SRSF11: variants seen among roughly 807,000 people sequenced by gnomAD.
SRSF11 encodes serine/arginine-rich splicing factor 11.
A neutral mutation model predicts 56.0 loss-of-function variants in SRSF11; 9 were observed. That is an observed-to-expected ratio of 0.16 (90% CI 0.10 to 0.28). The LOEUF (loss-of-function observed/expected upper bound fraction) is 0.28, where lower values mean the gene tolerates loss of function less well. Ranked by LOEUF, SRSF11 falls within the 10% of genes least tolerant of loss-of-function variation. SRSF11 has a pLI of 1.00. For missense variants in SRSF11, 421 were observed against 600.7 expected, an observed-to-expected ratio of 0.70 and a Z score of 3.13; for synonymous variants, 222 against 215.3, an observed-to-expected ratio of 1.03 and a Z score of -0.27.
At chr1:70,225,139 C>G (rs1671487575) in intron 1 of SRSF11, among the ~76,000 whole-genome samples, 1 of 152,092 alleles carries the variant, frequency 6.6e-6, no homozygotes. Flanking sequence ...GTGGGATTGC[C>G]CAGCAAAGTG....
intron 5 of SRSF11, among the ~76,000 whole-genome samples, chr1:70,236,744 T>C (rs1674143189): frequency 6.8e-6 from 1 of 146,786 alleles, no homozygotes. Flanking sequence ...CCTCCCCACC[T>C]ACAAAGTAAA....
chr1:70,229,667 A>G (rs114716087), intron 2 of SRSF11: 23 of 985,134 alleles, frequency 2.3e-5, no homozygotes, highest in Non-Finnish European at 2.8e-5. Context: ...TGGAATCTTA[A>G]TATTGTTCAT....
intron 9 of SRSF11, among the ~76,000 whole-genome samples, chr1:70,247,795 C>T (rs1364325524): frequency 6.6e-6 from 1 of 152,088 alleles, no homozygotes; most frequent in African/African-American, 2.4e-5. Context: ...TTTATATATT[C>T]TCTATTAAGA....
intron 1 of SRSF11, among the ~76,000 whole-genome samples, chr1:70,224,854 G>A (rs572491966): frequency 5.9e-5 from 9 of 152,294 alleles, no homozygotes; most frequent in South Asian, 2.1e-4. Context: ...TCTGAAATGC[G>A]TACTGGAAAT....
In SRSF11 at chr1:70,235,687, CAAG is replaced by C. The variant is rs566223846; in HGVS notation, c.590+138_590+140del. On this transcript the variant is annotated intron_variant, in intron 5 of 11. Transcript: ENST00000370949. ...AGCAATATGTATTGTTACCTAGAAA[CAAG>C]GAGAGAAATACAGAAGTAAGTAAGG... The C allele has an allele frequency of 6.5e-4, 519 of 795,104 alleles. 1 individual carries two copies. The highest frequency in any genetic ancestry group is 5.6e-3 in the East Asian group (212 of 37,894). 49.3% of individuals were successfully genotyped at this position (795,104 alleles called of 1,614,324 possible).
chr1:70,224,021 T>G (rs1458350853), intron 1 of SRSF11, among the ~76,000 whole-genome samples: 1 of 152,164 alleles, frequency 6.6e-6, no homozygotes, highest in African/African-American at 2.4e-5. Flanking sequence ...GTACAGACTT[T>G]TTTCTTGTCA....
chr1:70,246,731 C>A lies in SRSF11; in HGVS notation c.933-87C>A. On this transcript the variant is annotated intron_variant, in intron 8 of 11. Transcript: ENST00000370949. ...TATGCTTTTAAGGATGGGATTAGAT[C>A]TGATTATATTTTTGTGTTTGTAGTG... 4 of 739,214 alleles carry A rather than the reference C, an allele frequency of 5.4e-6. No individual in the cohort carries two copies. The South Asian group carries it at 8.3e-5, about 15-fold the overall frequency. 45.8% of individuals were successfully genotyped at this position (739,214 alleles called of 1,614,324 possible).
chr1:70,250,466 A>G lies in SRSF11; in HGVS notation c.1220A>G (p.Asp407Gly), dbSNP rs764012404. 1.2e-6 allele frequency: 2 copies of G among 1,600,644 alleles called. No homozygotes were observed. Among genetic ancestry groups the G allele is most frequent in the Non-Finnish European group, 1.7e-6 (2 of 1,167,974 alleles). Residue 407 changes from aspartate (D) to glycine (G), a missense_variant, in exon 11 of 12, where the codon GAC (aspartate) becomes GGC (glycine). This residue lies in a region of SRSF11 where 253 missense variants were observed against 305.8 expected (regional missense o/e 0.83). Coordinates refer to ENST00000370949, the MANE Select transcript of SRSF11 (RefSeq NM_001350605.2). ...KKKKSKDKEKDRERKSESDKD... is the reference protein window; with the variant it reads ...KKKKSKDKEKGRERKSESDKD... ...AAGAAGAGTAAAGATAAGGAAAAGG[A>G]CCGGGAAAGAAAATCAGAGAGTGAT...
rs540924593 is a variant in SRSF11, at chr1:70,221,385, C to G, written c.-252C>G. The G allele has an allele frequency of 7.7e-6, 4 of 518,438 alleles. No homozygotes were observed. The highest frequency in any genetic ancestry group is 1.4e-5 in the Non-Finnish European group (4 of 296,152). 32.1% of individuals were successfully genotyped at this position (518,438 alleles called of 1,614,324 possible). A position where few individuals can be genotyped will look rare whatever the true frequency, so the allele number is the denominator to read the frequency against. ...TGTGGGAGCTCGGGCCCGCTAGTGT[C>G]GTGGTTGGAGGCGAGGTGGGGCGGC... On this transcript the variant is annotated 5_prime_UTR_variant, in exon 1 of 12. Coordinates refer to ENST00000370949, the MANE Select transcript of SRSF11 (RefSeq NM_001350605.2).
At chr1:70,214,157 TA>T (rs1669804669) in intron 1 of SRSF11, among the ~76,000 whole-genome samples, 1 of 152,206 alleles carries the variant, frequency 6.6e-6, no homozygotes, top group South Asian at 2.1e-4. Flanking sequence ...AAGATACATA[TA>T]ACTCTACTGG....
chr1:70,230,331 A>C, intron 2 of SRSF11: 3 of 1,050,860 alleles, frequency 2.9e-6, no homozygotes, highest in Non-Finnish European at 3.5e-6. Flanking sequence ...AGTAAATACA[A>C]TTCCCTCCAG....
rs1669657555 is a variant in SRSF11 at position 70,212,586 on chromosome 1, AGTT to A, written c.-26+6810_-26+6812del. On this transcript the variant is annotated intron_variant, in intron 1 of 12. Transcript: ENST00000370950. ...TTTAATATTAATCAAAGATAGGTAC[AGTT>A]GTTTGTGTCTTTTCATGTTGGTGTC... 2.6e-5 allele frequency among the ~76,000 whole-genome samples: 4 copies of A among 152,248 alleles called. No individual in the cohort carries two copies. The South Asian group carries it at 8.3e-4, about 32-fold the overall frequency.
Position 70,244,830 on chromosome 1 carries a change from G to A in SRSF11, c.932+15G>A. ...TCAAAAACAAGGTATAGCATTGGGT[G>A]AGAAAGCAAATTTTAGGGTTCCCAG... On this transcript the variant is annotated intron_variant, in intron 8 of 11. Coordinates refer to ENST00000370949, the MANE Select transcript of SRSF11 (RefSeq NM_001350605.2). 1 of 1,613,360 alleles carries A rather than the reference G, an allele frequency of 6.2e-7. No homozygotes were observed. The highest frequency in any genetic ancestry group is 1.1e-5 in the South Asian group (1 of 91,036).
chr1:70,208,345 T>TGTGTGTGTGA (rs1027922471), intron 1 of SRSF11, among the ~76,000 whole-genome samples: 2 of 152,104 alleles, frequency 1.3e-5, no homozygotes, highest in Non-Finnish European at 2.9e-5. Flanking sequence ...TGTGTGTGTG[T>TGTGTGTGTGA]GTGAGTGAGA....
chr1:70,223,867 C>A (rs536420211), intron 1 of SRSF11, among the ~76,000 whole-genome samples: 1 of 152,144 alleles, frequency 6.6e-6, no homozygotes, highest in Non-Finnish European at 1.5e-5. Flanking sequence ...GCTCAGATTA[C>A]ATAAAATTCT....
intron 1 of SRSF11, among the ~76,000 whole-genome samples, chr1:70,226,502 A>G (rs1015850387): frequency 2.0e-5 from 3 of 152,200 alleles, no homozygotes; most frequent in South Asian, 2.1e-4. Context: ...TTTTTTTCCT[A>G]AAGAACTATT....
chr1:70,220,302 A>G (rs1171556790), upstream of SRSF11, among the ~76,000 whole-genome samples: 2 of 152,256 alleles, frequency 1.3e-5, no homozygotes, highest in South Asian at 2.1e-4. Flanking sequence ...GTATCGGCAC[A>G]GAGACATTAT....
At chr1:70,232,118 A>T (rs781313686) in intron 2 of SRSF11, 150 bp from the exon 3 acceptor site, 72 of 1,550,072 alleles carry the variant, frequency 4.6e-5, no homozygotes, top group Non-Finnish European at 6.1e-5. Context: ...TTAATGATAA[A>T]TAATCATAGA....
At chr1:70,249,661 G>T in intron 9 of SRSF11, 1 of 279,712 alleles carries the variant, frequency 3.6e-6, no homozygotes. Context: ...AGGCTCAAGT[G>T]ATCTTCCTGC....
Sources: gnomAD v4.1 joint callset for allele counts (sites outside exome capture counted in the v4.1 genomes callset) on GRCh38, gnomAD v4.1.1 for gene constraint, gnomAD v4.1.1 regional missense constraint, MANE v1.5 for transcripts, NCBI Gene and HGNC (gene_info 2026-07-23, HGNC 2026-07-21) for gene names.